The following EPAS1 variants were observed in gnomAD, a reference collection of about 807,000 sequenced individuals.
The protein encoded by EPAS1 is endothelial PAS domain-containing protein 1.
A neutral mutation model predicts 87.9 loss-of-function variants in EPAS1; 23 were observed. The ratio of observed to expected loss-of-function variants is 0.26; its 90% confidence interval spans 0.19 to 0.37. EPAS1 has a LOEUF of 0.37. EPAS1 is among the 10% of genes least tolerant of loss of function. The pLI is 1.00. For missense variants in EPAS1, 1,138 were observed against 1,120.7 expected (o/e 1.02, Z -0.22); for synonymous variants, 508 against 444.3 (o/e 1.14, Z -1.80).
At chr2:46,334,279 A>T (rs984797995) in intron 1 of EPAS1, among the ~76,000 whole-genome samples, 1 of 152,112 alleles carries the variant, frequency 6.6e-6, no homozygotes, top group Non-Finnish European at 1.5e-5. Context: ...GACTTTAGCT[A>T]CCTGTCCTTT....
chr2:46,303,008 G>A (rs1683042264), intron 1 of EPAS1, among the ~76,000 whole-genome samples: 1 of 152,174 alleles, frequency 6.6e-6, no homozygotes, highest in Admixed American at 6.5e-5. Context: ...GGGAGGCGGA[G>A]GTTGCAGTGA....
At chr2:46,359,215 C>T (rs189162719) in intron 4 of EPAS1, among the ~76,000 whole-genome samples, 2,261 of 138,054 alleles carry the variant, frequency 0.016, 23 homozygotes, top group Non-Finnish European at 0.02. Flanking sequence ...GCCAAGATCA[C>T]GCCACTGCAC....
At chr2:46,332,503 G>C (rs1007916676) in intron 1 of EPAS1, among the ~76,000 whole-genome samples, 102 of 152,214 alleles carry the variant, frequency 6.7e-4, no homozygotes, top group African/African-American at 2.4e-3. Context: ...CCCCCTCCTC[G>C]TCTGATGTGT....
intron 15 of EPAS1, among the ~76,000 whole-genome samples, chr2:46,382,891 CTG>C: frequency 6.6e-6 from 1 of 152,136 alleles, no homozygotes; most frequent in East Asian, 1.9e-4. Context: ...CCAAAGAGGA[CTG>C]AACACTGAAC....
rs1386436099 is a variant in EPAS1, at chr2:46,297,768, C to T, written c.-144C>T. ...CCGCCGCGCGCCACCTTCCACCTGA[C>T]TGCGCGGGGCGCTCGGGACCTGCGC... On this transcript the variant is annotated 5_prime_UTR_variant, in exon 1 of 16. Transcript: ENST00000263734. 1 of 1,146,232 alleles carries T rather than the reference C, an allele frequency of 8.7e-7. No individual in the cohort carries two copies. Among genetic ancestry groups the T allele is most frequent in the East Asian group, 2.6e-5 (1 of 38,224 alleles). The allele number at this position is 1,146,232 out of a possible 1,614,324, so 71.0% of individuals were successfully genotyped here.
At chr2:46,345,151 T>A (rs1181728938) in intron 1 of EPAS1, among the ~76,000 whole-genome samples, 1 of 152,186 alleles carries the variant, frequency 6.6e-6, no homozygotes, top group African/African-American at 2.4e-5. Flanking sequence ...TTTATCTTAT[T>A]TATATTTTTA....
intron 7 of EPAS1, among the ~76,000 whole-genome samples, chr2:46,373,703 A>T (rs1684674449): frequency 6.6e-6 from 1 of 152,234 alleles, no homozygotes; most frequent in African/African-American, 2.4e-5. Context: ...CTATGCCTTC[A>T]CTGTACCTTT....
At position 46,386,274 on chromosome 2, in the gene EPAS1, C is replaced by G. The variant is rs112500820; in HGVS notation, c.*1614C>G. 1 of 152,578 alleles carries G rather than the reference C, an allele frequency of 6.6e-6. No individual in the cohort carries two copies. Among genetic ancestry groups the G allele is most frequent in the African/African-American group, 2.4e-5 (1 of 41,456 alleles). 9.5% of individuals were successfully genotyped at this position (152,578 alleles called of 1,614,324 possible). On this transcript the variant is annotated 3_prime_UTR_variant, in exon 16 of 16. Transcript: ENST00000263734. ...GAAGTTTCTAAAAACACACACAAAG[C>G]ACATTGGGCCAACTATTTAGTAAGC... is the stretch of plus-strand genomic sequence containing the variant.
At chr2:46,323,027 G>A (rs1372574523) in intron 1 of EPAS1, among the ~76,000 whole-genome samples, 1 of 152,240 alleles carries the variant, frequency 6.6e-6, no homozygotes, top group Non-Finnish European at 1.5e-5. Flanking sequence ...CAAACCTTGT[G>A]TGAGCTCCAG....
chr2:46,338,155 C>T (rs1471615485), intron 1 of EPAS1, among the ~76,000 whole-genome samples: 2 of 152,154 alleles, frequency 1.3e-5, no homozygotes, highest in Admixed American at 6.5e-5. Flanking sequence ...TCAAATGATC[C>T]AGGTTTGAGT....
chr2:46,355,301 A>G (rs1263171173), intron 2 of EPAS1, among the ~76,000 whole-genome samples: 1 of 152,238 alleles, frequency 6.6e-6, no homozygotes, highest in Non-Finnish European at 1.5e-5. Flanking sequence ...TGATGAGGAA[A>G]GTGATATCCA....
rs1684053401 is a variant in EPAS1, at chr2:46,347,376, A to G, written c.217+313A>G. ...TTTGCTGACTTCTCAATTTGTTGCC[A>G]TCTGGCCATAAGACCCATCCTCCAC... On this transcript the variant is annotated intron_variant, in intron 2 of 15. Coordinates refer to ENST00000263734, the MANE Select transcript of EPAS1 (RefSeq NM_001430.5). The surrounding 1 kb of genome is among the most constrained non-coding windows in gnomAD (Gnocchi z 4.2). 2.2e-6 allele frequency: 1 copy of G among 446,258 alleles called. No individual in the cohort carries two copies. The highest frequency in any genetic ancestry group is 3.4e-5 in the Admixed American group (1 of 29,172). 27.6% of individuals were successfully genotyped at this position (446,258 alleles called of 1,614,324 possible).
At chr2:46,374,986 G>A (rs932906657) in intron 7 of EPAS1, among the ~76,000 whole-genome samples, 3 of 152,110 alleles carry the variant, frequency 2.0e-5, no homozygotes, top group African/African-American at 4.8e-5. Context: ...CTGTGTGTGG[G>A]CTGCCAGGGT....
rs906128002 is a variant in EPAS1 at position 46,377,470 on chromosome 2, C to T, written c.1250-424C>T. ...TTTTAGATGGGTTCTACAGCGGCCA[C>T]GTGAGGATTGCAGCTAAAGAGAATC... On this transcript the variant is annotated intron_variant, in intron 9 of 15. Coordinates refer to ENST00000263734, the MANE Select transcript of EPAS1 (RefSeq NM_001430.5). 1.6e-4 allele frequency among the ~76,000 whole-genome samples: 24 copies of T among 152,296 alleles called. No individual in the cohort carries two copies. In the East Asian group the frequency reaches 4.4e-3, roughly 28 times the overall value.
At chr2:46,352,396 TTC>T (rs1192631314) in intron 2 of EPAS1, among the ~76,000 whole-genome samples, 4 of 152,246 alleles carry the variant, frequency 2.6e-5, no homozygotes, top group Non-Finnish European at 4.4e-5. Context: ...TAAGTGACAC[TTC>T]TGGACAGATT....
chr2:46,323,092 G>GCA (rs1643788085), intron 1 of EPAS1, among the ~76,000 whole-genome samples: 1 of 152,082 alleles, frequency 6.6e-6, no homozygotes, highest in East Asian at 1.9e-4. Context: ...GTGAAGCACA[G>GCA]CACTCCCATG....
At chr2:46,349,189 G>A (rs1684094361) in intron 2 of EPAS1, among the ~76,000 whole-genome samples, 2 of 152,174 alleles carry the variant, frequency 1.3e-5, no homozygotes. Flanking sequence ...GCAGCTGGGG[G>A]CCAGCGTGAT....
At chr2:46,355,006 C>T (rs1167056691) in intron 2 of EPAS1, among the ~76,000 whole-genome samples, 3 of 152,182 alleles carry the variant, frequency 2.0e-5, no homozygotes, top group Non-Finnish European at 2.9e-5. Context: ...TTCTTTGCAA[C>T]AGTTAGTTGT....
In EPAS1 at chr2:46,380,123, GA is replaced by G. The variant is rs912635604; in HGVS notation, c.1555-101del. On this transcript the variant is annotated intron_variant, in intron 11 of 15. Transcript: ENST00000263734. The surrounding 1 kb of genome is among the most constrained non-coding windows in gnomAD (Gnocchi z 4.4). ...AGTGGAGGCGTTTGAGCAGCACTGT[GA>G]AACAGTGCTTGAGATGAATGGCTCT... 1.9e-6 allele frequency: 3 copies of G among 1,574,482 alleles called. No homozygotes were observed. Among genetic ancestry groups the G allele is most frequent in the African/African-American group, 1.3e-5 (1 of 74,420 alleles).
Sources: allele counts gnomAD v4.1 joint callset (sites outside exome capture counted in the v4.1 genomes callset), GRCh38; gene constraint gnomAD v4.1.1; non-coding constraint Gnocchi (gnomAD v3.1); transcripts MANE v1.5; gene names NCBI Gene and HGNC (gene_info 2026-07-23, HGNC 2026-07-21).